ARHGEF38: variants seen among roughly 807,000 people sequenced by gnomAD.
The protein encoded by ARHGEF38 is Rho guanine nucleotide exchange factor 38.
Under a neutral mutation model 79.9 loss-of-function variants are expected in ARHGEF38, and 79 were observed. That is an observed-to-expected ratio of 0.99 (90% CI 0.82 to 1.19). The LOEUF is 1.19. Ranked by LOEUF, ARHGEF38 falls within the 50% of genes most tolerant of loss-of-function variation. The pLI is 0.00. For missense variants in ARHGEF38, 962 were observed against 907.2 expected, an observed-to-expected ratio of 1.06 and a Z score of -0.78; for synonymous variants, 366 against 328.3, an observed-to-expected ratio of 1.11 and a Z score of -1.24.
At chr4:105,554,921 C>T (rs1037057555) in intron 1 of ARHGEF38, among the ~76,000 whole-genome samples, 2 of 150,604 alleles carry the variant, frequency 1.3e-5, no homozygotes, top group Non-Finnish European at 2.9e-5. Context: ...AGGAAAAGCC[C>T]ATTGCTTTAT....
chr4:105,623,190 T>C (rs548930134), intron 3 of ARHGEF38, among the ~76,000 whole-genome samples: 57 of 152,340 alleles, frequency 3.7e-4, no homozygotes, highest in African/African-American at 1.4e-3. Flanking sequence ...GAACAGTGTC[T>C]TTAATAACTA....
At chr4:105,582,164 C>CAAA (rs33936132) in intron 1 of ARHGEF38, among the ~76,000 whole-genome samples, 26,016 of 118,098 alleles carry the variant, frequency 0.22, 4,068 homozygotes, top group African/African-American at 0.38. Context: ...GACTCCGTCT[C>CAAA]AAAAAAAAAA....
In ARHGEF38 at chr4:105,657,028, T is replaced by TGATA. The variant is rs200343666; in HGVS notation, c.1233+1326_1233+1329dup. On this transcript the variant is annotated intron_variant, in intron 9 of 13. Coordinates refer to ENST00000420470, the MANE Select transcript of ARHGEF38 (RefSeq NM_001242729.2). ...TGATGGTGATGATGAGATAGATAGA[T>TGATA]GATAGATAGATAGATAGATAGATGA... Among the ~76,000 whole-genome samples the TGATA allele has an allele frequency of 7.7e-3, 1,164 of 151,548 alleles. 4 individuals carry two copies. Among genetic ancestry groups the TGATA allele is most frequent in the African/African-American group, 0.015 (631 of 41,252 alleles).
intron 10 of ARHGEF38, among the ~76,000 whole-genome samples, chr4:105,662,256 G>A (rs1462291143): frequency 1.3e-5 from 2 of 151,948 alleles, no homozygotes; most frequent in Non-Finnish European, 2.9e-5. Flanking sequence ...TTGGGTTCTT[G>A]GTATTTTTCT....
chr4:105,593,565 A>C lies in ARHGEF38; in HGVS notation c.384+4130A>C, dbSNP rs1349251535. Among the ~76,000 whole-genome samples the C allele has an allele frequency of 2.0e-5, 3 of 152,142 alleles. No homozygotes were observed. The East Asian group carries it at 5.8e-4, about 29-fold the overall frequency. On this transcript the variant is annotated intron_variant, in intron 2 of 13. Transcript: ENST00000420470. ...GAAGAAACAAATAAACAGACAGACA[A>C]AAACATCAAATATACAAGAAAAGTC...
chr4:105,660,145 A>T (rs1730503339), intron 10 of ARHGEF38, among the ~76,000 whole-genome samples: 1 of 152,158 alleles, frequency 6.6e-6, no homozygotes, highest in African/African-American at 2.4e-5. Flanking sequence ...TAAATTGAAT[A>T]AACGAGGGCT....
chr4:105,561,098 C>T (rs1294721767), intron 1 of ARHGEF38, among the ~76,000 whole-genome samples: 3 of 152,036 alleles, frequency 2.0e-5, no homozygotes, highest in Non-Finnish European at 4.4e-5. Flanking sequence ...AAGTTTCTTT[C>T]CCATAGAGGC....
intron 2 of ARHGEF38, among the ~76,000 whole-genome samples, chr4:105,602,164 G>A (rs1285129705): frequency 6.6e-6 from 1 of 152,104 alleles, no homozygotes; most frequent in East Asian, 1.9e-4. Flanking sequence ...GCCCAGCAGT[G>A]GAGAACCACA....
intron 2 of ARHGEF38, among the ~76,000 whole-genome samples, chr4:105,607,745 G>A (rs1054602372): frequency 6.6e-6 from 1 of 152,038 alleles, no homozygotes; most frequent in Non-Finnish European, 1.5e-5. Flanking sequence ...TTGGGTCATA[G>A]ATAACAGAAA....
At chr4:105,670,120 G>T (rs574368302) in intron 13 of ARHGEF38, among the ~76,000 whole-genome samples, 1 of 152,042 alleles carries the variant, frequency 6.6e-6, no homozygotes, top group Non-Finnish European at 1.5e-5. Flanking sequence ...CTTTGTTGTG[G>T]ATTTTATTTC....
intron 2 of ARHGEF38, among the ~76,000 whole-genome samples, chr4:105,594,245 A>G (rs74554912): frequency 0.013 from 1,971 of 152,272 alleles, 50 homozygotes; most frequent in African/African-American, 0.045. Flanking sequence ...GTGCTGAGGT[A>G]GTTAGTTGAC....
intron 3 of ARHGEF38, among the ~76,000 whole-genome samples, chr4:105,619,208 TG>T (rs2110500324): frequency 6.6e-6 from 1 of 151,972 alleles, no homozygotes; most frequent in South Asian, 2.1e-4. Flanking sequence ...CGACTTGCTT[TG>T]ATCAATGAAA....
At position 105,678,459 on chromosome 4, in the gene ARHGEF38, TAAG is replaced by T. The variant is rs1236984335; in HGVS notation, c.*528_*530del. 6 of 152,206 alleles carry T rather than the reference TAAG, an allele frequency of 3.9e-5. No individual in the cohort carries two copies. Among genetic ancestry groups the T allele is most frequent in the African/African-American group, 7.2e-5 (3 of 41,436 alleles). 9.4% of individuals were successfully genotyped at this position (152,206 alleles called of 1,614,324 possible). ...AATCAGAGTATACACCAAATATACA[TAAG>T]AAGAATATACCACCAACTAGAAGTC... On this transcript the variant is annotated 3_prime_UTR_variant, in exon 14 of 14. Coordinates refer to ENST00000420470, the MANE Select transcript of ARHGEF38 (RefSeq NM_001242729.2).
chr4:105,647,400 A>G (rs1331564183), intron 6 of ARHGEF38, among the ~76,000 whole-genome samples: 4 of 151,462 alleles, frequency 2.6e-5, no homozygotes, highest in Non-Finnish European at 5.9e-5. Flanking sequence ...TTCAATTAAT[A>G]TTGCCTTCTT....
chr4:105,636,478 G>A (rs775443482), intron 5 of ARHGEF38, 58 bp downstream of exon 5: 9 of 300,346 alleles, frequency 3.0e-5, no homozygotes, highest in Non-Finnish European at 4.4e-5. Flanking sequence ...AAATGCAGCT[G>A]ACTGTTCCTG....
intron 3 of ARHGEF38, among the ~76,000 whole-genome samples, chr4:105,622,419 C>T (rs1261041199): frequency 6.6e-6 from 1 of 152,162 alleles, no homozygotes; most frequent in Non-Finnish European, 1.5e-5. Flanking sequence ...GAGTAACAAA[C>T]CTTGAAGTTG....
chr4:105,607,476 C>A (rs1447097), intron 2 of ARHGEF38, among the ~76,000 whole-genome samples: 29,328 of 152,014 alleles, frequency 0.19, 3,862 homozygotes, highest in African/African-American at 0.37. Flanking sequence ...CTCTGCACAT[C>A]CCCAGAACCG....
rs551207992 is a variant in ARHGEF38 at position 105,679,139 on chromosome 4, T to C, written c.*1202T>C. 3.4e-6 allele frequency: 2 copies of C among 580,364 alleles called. No homozygotes were observed. The highest frequency in any genetic ancestry group is 1.9e-5 in the African/African-American group (1 of 52,314). 36.0% of individuals were successfully genotyped at this position (580,364 alleles called of 1,614,324 possible). A position where few individuals can be genotyped will look rare whatever the true frequency, so the allele number is the denominator to read the frequency against. ...CATCTTGCCGACTTTCCTGAGCAAC[T>C]GCTTTGTCGACTCTCTCTACCTGAC... is the stretch of plus-strand genomic sequence containing the variant. On this transcript the variant is annotated 3_prime_UTR_variant, in exon 14 of 14. Coordinates refer to ENST00000420470, the MANE Select transcript of ARHGEF38 (RefSeq NM_001242729.2).
At chr4:105,619,730 C>G (rs930841579) in intron 3 of ARHGEF38, among the ~76,000 whole-genome samples, 1 of 152,096 alleles carries the variant, frequency 6.6e-6, no homozygotes, top group African/African-American at 2.4e-5. Flanking sequence ...AGCAGCAGCC[C>G]TATGTGACTG....
Sources: gnomAD v4.1 joint callset for allele counts (sites outside exome capture counted in the v4.1 genomes callset) on GRCh38, gnomAD v4.1.1 for gene constraint, MANE v1.5 for transcripts, NCBI Gene and HGNC (gene_info 2026-07-23, HGNC 2026-07-21) for gene names.